Variants in ZCCHC7 observed in about 807,000 individuals in gnomAD.
ZCCHC7 encodes zinc finger CCHC-type containing 7.
ZCCHC7 carries 35 observed loss-of-function variants against 52.0 expected under a neutral mutation model. That is an observed-to-expected ratio of 0.67 (90% CI 0.51 to 0.89). ZCCHC7 has a LOEUF of 0.89. Among genes scored for constraint, ZCCHC7 ranks in the 40% least tolerant of loss-of-function variants. The pLI is 0.00. For missense variants in ZCCHC7, 574 were observed against 649.1 expected (o/e 0.88, Z 1.26); for synonymous variants, 217 against 221.5 (o/e 0.98, Z 0.18).
intron 2 of ZCCHC7, among the ~76,000 whole-genome samples, chr9:37,251,979 C>T (rs1826351352): frequency 6.6e-6 from 1 of 151,956 alleles, no homozygotes; most frequent in African/African-American, 2.4e-5. Flanking sequence ...CTTTCCCTGC[C>T]TTTTTTAATA....
chr9:37,200,291 G>A (rs767425672), intron 2 of ZCCHC7, among the ~76,000 whole-genome samples: 20 of 151,396 alleles, frequency 1.3e-4, no homozygotes, highest in Non-Finnish European at 2.5e-4. Flanking sequence ...AAACAAACCC[G>A]AAAACAAAAC....
intron 2 of ZCCHC7, among the ~76,000 whole-genome samples, chr9:37,128,913 T>G (rs976786352): frequency 1.3e-5 from 2 of 152,232 alleles, no homozygotes; most frequent in African/African-American, 4.8e-5. Context: ...AGCATTTAGC[T>G]TATTCTTTCT....
intron 5 of ZCCHC7, among the ~76,000 whole-genome samples, chr9:37,321,427 C>A (rs1830050664): frequency 6.6e-6 from 1 of 152,090 alleles, no homozygotes; most frequent in Non-Finnish European, 1.5e-5. Context: ...CTGTTCCTGG[C>A]CTATAATTGG....
At chr9:37,317,119 G>A (rs2117928728) in intron 5 of ZCCHC7, among the ~76,000 whole-genome samples, 1 of 152,228 alleles carries the variant, frequency 6.6e-6, no homozygotes, top group African/African-American at 2.4e-5. Flanking sequence ...CAATTTGAGT[G>A]AGAAAAAGAC....
At chr9:37,263,344 AC>A (rs923964440) in intron 2 of ZCCHC7, among the ~76,000 whole-genome samples, 7 of 151,510 alleles carry the variant, frequency 4.6e-5, no homozygotes, top group Non-Finnish European at 1.0e-4. Flanking sequence ...TTTTCTATAT[AC>A]CCTTATATTT....
chr9:37,313,250 A>G (rs1325847793), intron 5 of ZCCHC7, among the ~76,000 whole-genome samples: 7 of 152,232 alleles, frequency 4.6e-5, no homozygotes, highest in Admixed American at 1.3e-4. Context: ...ATTGTTGTAT[A>G]GGCTTACCAA....
intron 7 of ZCCHC7, 41 bp downstream of exon 7, chr9:37,349,493 CAG>C: frequency 6.4e-7 from 1 of 1,568,556 alleles, no homozygotes; most frequent in Non-Finnish European, 8.7e-7. Flanking sequence ...ATTCTGTTGT[CAG>C]GGAGTGTTTT....
At chr9:37,140,797 C>T (rs1203888963) in intron 2 of ZCCHC7, among the ~76,000 whole-genome samples, 1 of 151,868 alleles carries the variant, frequency 6.6e-6, no homozygotes, top group Admixed American at 6.6e-5. Context: ...TGTGATTGTG[C>T]CACCAGTTAG....
chr9:37,280,426 T>C (rs936532184), intron 2 of ZCCHC7, among the ~76,000 whole-genome samples: 11 of 152,172 alleles, frequency 7.2e-5, no homozygotes, highest in Admixed American at 7.2e-4. Flanking sequence ...AATCCAATAA[T>C]TATAGAATAT....
intron 7 of ZCCHC7, among the ~76,000 whole-genome samples, chr9:37,350,088 G>A (rs948944648): frequency 6.1e-5 from 9 of 148,162 alleles, no homozygotes; most frequent in African/African-American, 1.5e-4. Flanking sequence ...ACACCTGGCC[G>A]ATTTTAGATT....
intron 2 of ZCCHC7, among the ~76,000 whole-genome samples, chr9:37,280,428 A>C (rs1442047206): frequency 6.6e-6 from 1 of 152,228 alleles, no homozygotes; most frequent in Non-Finnish European, 1.5e-5. Flanking sequence ...TCCAATAATT[A>C]TAGAATATGC....
intron 6 of ZCCHC7, among the ~76,000 whole-genome samples, chr9:37,337,595 T>C (rs2118411855): frequency 6.6e-6 from 1 of 152,206 alleles, no homozygotes; most frequent in African/African-American, 2.4e-5. Context: ...GGCATGAAAA[T>C]TGAAAGGTTT....
chr9:37,269,640 A>AC (rs1827302119), intron 2 of ZCCHC7, among the ~76,000 whole-genome samples: 1 of 148,620 alleles, frequency 6.7e-6, no homozygotes, highest in African/African-American at 2.5e-5. Context: ...AAAAAAAAAA[A>AC]AAAAAACAAA....
intron 2 of ZCCHC7, among the ~76,000 whole-genome samples, chr9:37,161,312 C>T (rs1243188672): frequency 1.3e-5 from 2 of 152,138 alleles, no homozygotes; most frequent in Non-Finnish European, 2.9e-5. Context: ...CGGTGGCTCA[C>T]ACCTGTAATC....
intron 2 of ZCCHC7, among the ~76,000 whole-genome samples, chr9:37,179,383 G>A (rs997418741): frequency 6.6e-6 from 1 of 152,158 alleles, no homozygotes; most frequent in African/African-American, 2.4e-5. Context: ...GTAATAGTGC[G>A]CTGTGTAATG....
At chr9:37,301,301 T>G (rs1366829545) in intron 2 of ZCCHC7, among the ~76,000 whole-genome samples, 1 of 152,150 alleles carries the variant, frequency 6.6e-6, no homozygotes, top group African/African-American at 2.4e-5. Flanking sequence ...TAGAGGGTTA[T>G]AGAAGTAAGG....
intron 2 of ZCCHC7, among the ~76,000 whole-genome samples, chr9:37,249,113 G>T (rs991773616): frequency 6.6e-6 from 1 of 152,132 alleles, no homozygotes; most frequent in African/African-American, 2.4e-5. Flanking sequence ...GTGGGGAGAT[G>T]GTTACATCAA....
At chr9:37,262,075 C>T (rs1352622633) in intron 2 of ZCCHC7, among the ~76,000 whole-genome samples, 1 of 152,098 alleles carries the variant, frequency 6.6e-6, no homozygotes, top group African/African-American at 2.4e-5. Flanking sequence ...AACAAAGCAG[C>T]TCCATTGGAT....
At chr9:37,243,807 A>G (rs528782207) in intron 2 of ZCCHC7, among the ~76,000 whole-genome samples, 10 of 152,008 alleles carry the variant, frequency 6.6e-5, no homozygotes, top group African/African-American at 2.2e-4. Context: ...ATGTTGATCA[A>G]AGTTCAAGTG....
Sources: allele counts gnomAD v4.1 joint callset (sites outside exome capture counted in the v4.1 genomes callset), GRCh38; gene constraint gnomAD v4.1.1; transcripts MANE v1.5; gene names NCBI Gene and HGNC (gene_info 2026-07-23, HGNC 2026-07-21).